CCDC178: variants seen among roughly 807,000 people sequenced by gnomAD.
CCDC178 encodes coiled-coil domain-containing protein 178.
A neutral mutation model predicts 117.4 loss-of-function variants in CCDC178; 126 were observed. The observed-to-expected ratio is 1.07, with a 90% confidence interval of 0.93 to 1.24. The LOEUF (loss-of-function observed/expected upper bound fraction) is 1.24, where lower values mean the gene tolerates loss of function less well. Among genes scored for constraint, CCDC178 ranks in the 50% most tolerant of loss-of-function variants. The pLI is 0.00. For synonymous variants in CCDC178, 283 were observed against 313.4 expected, an observed-to-expected ratio of 0.90 and a Z score of 1.02; for missense variants, 1,030 against 986.9, an observed-to-expected ratio of 1.04 and a Z score of -0.59.
intron 20 of CCDC178, among the ~76,000 whole-genome samples, chr18:33,141,842 G>T (rs2058209073): frequency 6.6e-6 from 1 of 152,144 alleles, no homozygotes; most frequent in Admixed American, 6.5e-5. Context: ...TCATGAGCAT[G>T]TCCCTTCCCT....
intron 14 of CCDC178, among the ~76,000 whole-genome samples, chr18:33,252,569 A>G (rs1177077817): frequency 2.0e-5 from 3 of 151,790 alleles, no homozygotes; most frequent in Non-Finnish European, 4.4e-5. Flanking sequence ...TCTGTGAAGC[A>G]ACTCAAATTA....
In CCDC178 at chr18:33,300,783, T is replaced by C. The variant is rs191963982; in HGVS notation, c.1023-7471A>G. Among the ~76,000 whole-genome samples, 18 of 152,330 alleles carry C rather than the reference T, an allele frequency of 1.2e-4. No individual in the cohort carries two copies. In the East Asian group the frequency reaches 3.5e-3, roughly 29 times the overall value. On this transcript the variant is annotated intron_variant, in intron 11 of 22. Transcript: ENST00000383096. Reference sequence around the variant, plus strand: ...CTTGGCTGCTTCTAATGACCTATTATCATATATGGGAGCAAATGAATGACT... The same window carrying C: ...CTTGGCTGCTTCTAATGACCTATTACCATATATGGGAGCAAATGAATGACT...
intron 20 of CCDC178, among the ~76,000 whole-genome samples, chr18:33,129,485 C>A (rs1401076093): frequency 6.6e-6 from 1 of 151,846 alleles, no homozygotes; most frequent in Non-Finnish European, 1.5e-5. Context: ...AAAAGTGGAA[C>A]CCTGATAAGA....
chr18:33,095,716 C>T (rs1236626630), intron 20 of CCDC178, among the ~76,000 whole-genome samples: 1 of 151,566 alleles, frequency 6.6e-6, no homozygotes, highest in Non-Finnish European at 1.5e-5. Flanking sequence ...ATATAACCAC[C>T]ATTATAATAT....
chr18:33,000,068 T>C (rs1035869260), intron 21 of CCDC178, among the ~76,000 whole-genome samples: 3 of 152,020 alleles, frequency 2.0e-5, no homozygotes, highest in Non-Finnish European at 4.4e-5. Context: ...AATAGCTGTT[T>C]TGATAAAACT....
chr18:33,034,727 T>C (rs2056409922), intron 21 of CCDC178, among the ~76,000 whole-genome samples: 1 of 152,020 alleles, frequency 6.6e-6, no homozygotes, highest in East Asian at 1.9e-4. Flanking sequence ...TTCCAGATCC[T>C]AGCCTGAAAT....
chr18:32,978,572 A>G (rs1488181751), intron 21 of CCDC178, among the ~76,000 whole-genome samples: 1 of 152,238 alleles, frequency 6.6e-6, no homozygotes, highest in Admixed American at 6.5e-5. Context: ...GATAAAAGGT[A>G]TAAATCAAAA....
At chr18:33,171,552 T>A (rs2058599463) in intron 20 of CCDC178, among the ~76,000 whole-genome samples, 2 of 152,224 alleles carry the variant, frequency 1.3e-5, no homozygotes, top group African/African-American at 4.8e-5. Context: ...AAGAATGGAT[T>A]ACTGAATCGC....
intron 11 of CCDC178, among the ~76,000 whole-genome samples, chr18:33,317,148 G>A (rs907182711): frequency 6.6e-6 from 1 of 152,064 alleles, no homozygotes; most frequent in African/African-American, 2.4e-5. Flanking sequence ...TTCGCTCTTT[G>A]CAACAAATCT....
intron 21 of CCDC178, among the ~76,000 whole-genome samples, chr18:33,012,657 T>G (rs991131033): frequency 6.6e-6 from 1 of 152,178 alleles, no homozygotes; most frequent in Non-Finnish European, 1.5e-5. Context: ...TTTAAATAAT[T>G]GAACATTGGA....
At chr18:33,010,352 G>A (rs896358647) in intron 21 of CCDC178, among the ~76,000 whole-genome samples, 1 of 152,132 alleles carries the variant, frequency 6.6e-6, no homozygotes, top group African/African-American at 2.4e-5. Context: ...TGGAAAGCAG[G>A]AGAAATTCTT....
rs760842791 is a variant in CCDC178, at chr18:33,346,271, T to G, written c.598A>C (p.Met200Leu). ...CAGACTGACCAAGAGTCAATTTTCA[T>G]GTTAATCATATTCTTTCTTGATCTC... is the stretch of plus-strand genomic sequence containing the variant. ...QQRSRKNMIN[M>L]KIDSWSVWKL... The change falls in exon 9 of 23, where the codon ATG becomes CTG. Residue 200 changes from methionine to leucine, a missense_variant. Met to Leu is a conservative substitution (Grantham distance 15). Coordinates refer to ENST00000383096, the MANE Select transcript of CCDC178 (RefSeq NM_001105528.4). 6.2e-7 allele frequency: 1 copy of G among 1,613,788 alleles called. No homozygotes were observed. Among genetic ancestry groups the G allele is most frequent in the Admixed American group, 1.7e-5 (1 of 60,010 alleles).
At chr18:33,261,147 G>T (rs939237400) in intron 14 of CCDC178, among the ~76,000 whole-genome samples, 4 of 151,930 alleles carry the variant, frequency 2.6e-5, no homozygotes, top group Admixed American at 1.3e-4. Context: ...GCAGTGGCAC[G>T]AGCTCGGCTC....
chr18:33,075,969 G>GA (rs111235019), intron 21 of CCDC178, among the ~76,000 whole-genome samples: 4 of 151,730 alleles, frequency 2.6e-5, no homozygotes, highest in African/African-American at 4.8e-5. Flanking sequence ...AACTTCATCT[G>GA]AAAAAAAATT....
chr18:32,948,046 C>T (rs1019554623), intron 22 of CCDC178, among the ~76,000 whole-genome samples: 10 of 152,068 alleles, frequency 6.6e-5, no homozygotes, highest in African/African-American at 2.2e-4. Context: ...CTATTTTGTT[C>T]TATTCATCTA....
intron 22 of CCDC178, among the ~76,000 whole-genome samples, chr18:32,958,815 G>C (rs2054646147): frequency 6.6e-6 from 1 of 152,160 alleles, no homozygotes; most frequent in African/African-American, 2.4e-5. Flanking sequence ...TTATAGTGGA[G>C]TCACTCAAAC....
chr18:33,143,470 A>G (rs1185563684), intron 20 of CCDC178, among the ~76,000 whole-genome samples: 4 of 152,180 alleles, frequency 2.6e-5, no homozygotes, highest in Admixed American at 6.5e-5. Flanking sequence ...CTGTATCTCT[A>G]TATTTTTGTT....
At chr18:33,234,034 A>C (rs2059398497) in intron 15 of CCDC178, among the ~76,000 whole-genome samples, 1 of 152,174 alleles carries the variant, frequency 6.6e-6, no homozygotes, top group Non-Finnish European at 1.5e-5. Context: ...TTATGTTCCC[A>C]TATGATATTT....
intron 20 of CCDC178, among the ~76,000 whole-genome samples, chr18:33,192,416 A>G (rs1264695050): frequency 6.6e-6 from 1 of 152,222 alleles, no homozygotes; most frequent in East Asian, 1.9e-4. Context: ...TTTACACTTA[A>G]TAGAGACATG....
Sources: gnomAD v4.1 joint callset for allele counts (sites outside exome capture counted in the v4.1 genomes callset) on GRCh38, gnomAD v4.1.1 for gene constraint, MANE v1.5 for transcripts, NCBI Gene and HGNC (gene_info 2026-07-23, HGNC 2026-07-21) for gene names.